The following GPAT3 variants were observed in gnomAD, a reference collection of about 807,000 sequenced individuals.
GPAT3 encodes glycerol-3-phosphate acyltransferase 3.
A neutral mutation model predicts 58.8 loss-of-function variants in GPAT3; 53 were observed. That is an observed-to-expected ratio of 0.90 (90% CI 0.72 to 1.13). The LOEUF is 1.13. Among genes scored for constraint, GPAT3 ranks in the 50% most tolerant of loss-of-function variants. GPAT3 has a pLI of 0.00. For missense variants in GPAT3, 511 were observed against 527.6 expected, an observed-to-expected ratio of 0.97 and a Z score of 0.31; for synonymous variants, 197 against 187.4, an observed-to-expected ratio of 1.05 and a Z score of -0.42.
intron 6 of GPAT3, among the ~76,000 whole-genome samples, chr4:83,592,597 T>G (rs1009444978): frequency 6.6e-6 from 1 of 152,226 alleles, no homozygotes; most frequent in African/African-American, 2.4e-5. Context: ...ATTACCTCAC[T>G]CAGTGACTTT....
chr4:83,577,247 G>A (rs1725854409), intron 2 of GPAT3, among the ~76,000 whole-genome samples: 1 of 151,980 alleles, frequency 6.6e-6, no homozygotes, highest in South Asian at 2.1e-4. Flanking sequence ...CATTTAAAGA[G>A]ACTAAAATGA....
intron 5 of GPAT3, 32 bp downstream of exon 5, chr4:83,588,331 T>G: frequency 1.3e-6 from 2 of 1,588,594 alleles, no homozygotes; most frequent in Non-Finnish European, 1.7e-6. Flanking sequence ...CCTGTCTTTT[T>G]CTAGGTCAAT....
At chr4:83,603,947 A>T (rs1042954653) in intron 11 of GPAT3, among the ~76,000 whole-genome samples, 1 of 152,152 alleles carries the variant, frequency 6.6e-6, no homozygotes, top group Non-Finnish European at 1.5e-5. Context: ...TATATTTTAA[A>T]TTTTCCTGTG....
chr4:83,596,763 T>TTC, intron 7 of GPAT3, 95 bp from the exon 8 acceptor site: 1 of 925,674 alleles, frequency 1.1e-6, no homozygotes, highest in Non-Finnish European at 1.7e-6. Flanking sequence ...TCCTTATTGC[T>TTC]TCACAATTGT....
chr4:83,594,899 G>C lies in GPAT3; in HGVS notation c.793G>C (p.Ala265Pro), dbSNP rs757077092. 1 of 1,613,858 alleles carries C rather than the reference G, an allele frequency of 6.2e-7. No homozygotes were observed. Among genetic ancestry groups the C allele is most frequent in the African/African-American group, 1.3e-5 (1 of 74,878 alleles). The change falls in exon 7 of 12, where the codon GCT (alanine) becomes CCT (proline). Residue 265 changes from alanine (A) to proline (P), a missense_variant. By Grantham distance (27) the Ala-to-Pro change is conservative (BLOSUM62 -1). Coordinates refer to ENST00000264409, the MANE Select transcript of GPAT3 (RefSeq NM_032717.5). The part of the protein sequence containing the change: ...MGIIQRAMVK[A>P]CPHVWFERSE... Reference sequence around the variant, plus strand: ...AATTATTCAGAGAGCTATGGTCAAGGCTTGTCCTCATGTCTGGTTTGAACG... The same window carrying C: ...AATTATTCAGAGAGCTATGGTCAAGCCTTGTCCTCATGTCTGGTTTGAACG...
At chr4:83,579,034 CTTTCTTTCTTT>C (rs1560620963) in intron 2 of GPAT3, among the ~76,000 whole-genome samples, 11 of 25,280 alleles carry the variant, frequency 4.4e-4, no homozygotes, top group Admixed American at 1.2e-3. Context: ...TTCTTTCTTT[CTTTCTTTCTTT>C]CTTTCTTTCT....
intron 2 of GPAT3, among the ~76,000 whole-genome samples, chr4:83,558,824 T>A (rs1440720600): frequency 1.3e-5 from 2 of 152,166 alleles, no homozygotes; most frequent in African/African-American, 4.8e-5. Flanking sequence ...TTCTGAAGCC[T>A]GAAAAATGGT....
intron 6 of GPAT3, among the ~76,000 whole-genome samples, chr4:83,591,737 C>T (rs952346550): frequency 6.6e-6 from 1 of 152,134 alleles, no homozygotes; most frequent in Non-Finnish European, 1.5e-5. Flanking sequence ...GTAATCCAAT[C>T]AGGTTAGGTC....
Position 83,604,749 on chromosome 4 carries a change from C to T in GPAT3, c.1287C>T (p.Gly429=), listed in dbSNP as rs148702578. Residue 429 remains glycine (G), a synonymous_variant, in exon 12 of 12, where the codon GGC becomes GGT. Coordinates refer to ENST00000264409, the MANE Select transcript of GPAT3 (RefSeq NM_032717.5). Reference sequence around the variant, plus strand: ...AAAATTACAGCAAGATGATTGTGGGCAATGGATCTCTCAGCTAAGAGGACG... The same window carrying T: ...AAAATTACAGCAAGATGATTGTGGGTAATGGATCTCTCAGCTAAGAGGACG... ...QQKNYSKMIV[G]NGSLS 166 of 1,613,632 alleles carry T rather than the reference C, an allele frequency of 1.0e-4. No homozygotes were observed. Among genetic ancestry groups the T allele is most frequent in the Middle Eastern group, 3.3e-4 (2 of 6,082 alleles).
chr4:83,537,788 C>A (rs1724161495), intron 1 of GPAT3, among the ~76,000 whole-genome samples: 1 of 151,976 alleles, frequency 6.6e-6, no homozygotes. Flanking sequence ...AGAGGCCCTG[C>A]AGCCTAGTGG....
intron 2 of GPAT3, among the ~76,000 whole-genome samples, chr4:83,566,772 T>TC (rs993272394): frequency 1.9e-4 from 29 of 151,666 alleles, no homozygotes; most frequent in African/African-American, 7.0e-4. Context: ...TCTTTTTTTT[T>TC]CCCCCATTTG....
chr4:83,547,853 C>CTTT (rs10536598), intron 2 of GPAT3, among the ~76,000 whole-genome samples: 2 of 133,362 alleles, frequency 1.5e-5, no homozygotes, highest in African/African-American at 2.8e-5. Context: ...TTCTTCTTCC[C>CTTT]TTTTTTTTTT....
chr4:83,584,564 G>T (rs55679055), intron 3 of GPAT3, among the ~76,000 whole-genome samples: 27,713 of 152,016 alleles, frequency 0.18, 3,201 homozygotes, highest in East Asian at 0.32. Context: ...CCATCACTTA[G>T]ACACAATCTT....
In GPAT3 at chr4:83,581,797, C is replaced by A; in HGVS notation, c.444C>A (p.Gly148=). The A allele has an allele frequency of 6.2e-7, 1 of 1,613,934 alleles. No homozygotes were observed. The highest frequency in any genetic ancestry group is 8.5e-7 in the Non-Finnish European group (1 of 1,179,912). ...GGCTCACTATGGTGTGGGTGCTGGG[C>A]GTCATAGTGCGCTATTGTGTCCTAC... is the stretch of plus-strand genomic sequence containing the variant. ...SLRLTMVWVL[G]VIVRYCVLLP... Residue 148 remains glycine, a synonymous_variant, in exon 3 of 12, where the codon GGC becomes GGA. Transcript: ENST00000264409.
Position 83,604,936 on chromosome 4 carries a change from C to CTT in GPAT3, c.*172_*173dup. ...CAGAACCTACAGGTGCCCTTTTTGG[C>CTT]TTTTGTTGTTGTTGTAACATTAGCC... On this transcript the variant is annotated 3_prime_UTR_variant, in exon 12 of 12. Transcript: ENST00000264409. The CTT allele has an allele frequency of 1.7e-6, 1 of 583,858 alleles. No individual in the cohort carries two copies. Among genetic ancestry groups the CTT allele is most frequent in the South Asian group, 2.2e-5 (1 of 44,922 alleles). 36.2% of individuals were successfully genotyped at this position (583,858 alleles called of 1,614,324 possible). A position where few individuals can be genotyped will look rare whatever the true frequency, so the allele number is the denominator to read the frequency against.
At chr4:83,597,690 G>A (rs1726897146) in intron 9 of GPAT3, among the ~76,000 whole-genome samples, 175 bp downstream of exon 9, 1 of 152,190 alleles carries the variant, frequency 6.6e-6, no homozygotes, top group Non-Finnish European at 1.5e-5. Flanking sequence ...CTCTCTATAT[G>A]TAGATAGATG....
At chr4:83,586,000 T>C (rs1426941855) in intron 3 of GPAT3, among the ~76,000 whole-genome samples, 1 of 152,180 alleles carries the variant, frequency 6.6e-6, no homozygotes, top group Non-Finnish European at 1.5e-5. Context: ...CCTGGCTCGG[T>C]TGCTTATTTT....
intron 2 of GPAT3, among the ~76,000 whole-genome samples, chr4:83,568,812 A>G (rs992011121): frequency 6.6e-6 from 1 of 152,054 alleles, no homozygotes; most frequent in Non-Finnish European, 1.5e-5. Flanking sequence ...GCCTGTATTC[A>G]CATTTTTCAT....
chr4:83,596,571 G>A (rs551378580), intron 7 of GPAT3, among the ~76,000 whole-genome samples: 2 of 151,964 alleles, frequency 1.3e-5, no homozygotes, highest in Non-Finnish European at 2.9e-5. Flanking sequence ...GCAGTGAGCC[G>A]AGATCATGCC....
Sources: allele counts gnomAD v4.1 joint callset (sites outside exome capture counted in the v4.1 genomes callset), GRCh38; gene constraint gnomAD v4.1.1; transcripts MANE v1.5; gene names NCBI Gene and HGNC (gene_info 2026-07-23, HGNC 2026-07-21).